Variants in MSRA observed in about 807,000 individuals in gnomAD.
MSRA encodes the protein mitochondrial peptide methionine sulfoxide reductase.
In MSRA, 54 loss-of-function variants were observed where a neutral mutation model predicts 31.3. The observed-to-expected ratio is 1.73, with a 90% CI of 1.39 to 2.17. The LOEUF (loss-of-function observed/expected upper bound fraction) is 2.17. MSRA is among the 30% of genes most tolerant of loss of function. The pLI, the probability that MSRA is intolerant of heterozygous loss-of-function variation, is 0.00. For synonymous variants in MSRA, 169 were observed against 116.5 expected (o/e 1.45, Z -2.90); for missense variants, 507 against 300.9 (o/e 1.69, Z -5.07).
intron 5 of MSRA, among the ~76,000 whole-genome samples, chr8:10,378,024 A>C (rs540268174): frequency 1.3e-5 from 2 of 152,338 alleles, no homozygotes; most frequent in Non-Finnish European, 2.9e-5. Context: ...GCTCAAGGCA[A>C]AAGGCCCCGG....
intron 1 of MSRA, among the ~76,000 whole-genome samples, chr8:10,089,817 C>T (rs1198527870): frequency 2.0e-5 from 3 of 152,292 alleles, no homozygotes; most frequent in African/African-American, 7.2e-5. Flanking sequence ...AACCCAGTCT[C>T]AGGGAACGAA....
intron 1 of MSRA, among the ~76,000 whole-genome samples, chr8:10,089,952 C>T (rs966439868): frequency 6.6e-6 from 1 of 152,168 alleles, no homozygotes; most frequent in African/African-American, 2.4e-5. Flanking sequence ...GAGGCACCAC[C>T]TCCCAACACC....
chr8:10,154,111 T>G (rs1245458500), intron 1 of MSRA, among the ~76,000 whole-genome samples: 1 of 152,186 alleles, frequency 6.6e-6, no homozygotes, highest in East Asian at 1.9e-4. Flanking sequence ...TAATATAGAT[T>G]GTATATTTGT....
chr8:10,408,610 G>C (rs1293422423), intron 5 of MSRA, among the ~76,000 whole-genome samples: 2 of 152,168 alleles, frequency 1.3e-5, no homozygotes, highest in African/African-American at 4.8e-5. Flanking sequence ...TTAAATGTAA[G>C]GGGCACAAGT....
chr8:10,306,337 C>T (rs1394991510), intron 4 of MSRA, among the ~76,000 whole-genome samples: 1 of 152,058 alleles, frequency 6.6e-6, no homozygotes, highest in African/African-American at 2.4e-5. Flanking sequence ...GGTATAGGTG[C>T]CATGCCAGTG....
At chr8:10,192,962 A>G (rs1435168296) in intron 1 of MSRA, among the ~76,000 whole-genome samples, 1 of 152,214 alleles carries the variant, frequency 6.6e-6, no homozygotes, top group Non-Finnish European at 1.5e-5. Context: ...ATATTATATT[A>G]TGTTCTCCCC....
intron 1 of MSRA, among the ~76,000 whole-genome samples, chr8:10,140,005 A>G (rs1440793261): frequency 6.6e-6 from 1 of 152,230 alleles, no homozygotes; most frequent in East Asian, 1.9e-4. Context: ...AAAAGTATAC[A>G]TTTATCTGAT....
At chr8:10,073,021 A>T (rs188128828) in intron 1 of MSRA, among the ~76,000 whole-genome samples, 1 of 152,304 alleles carries the variant, frequency 6.6e-6, no homozygotes, top group East Asian at 1.9e-4. Flanking sequence ...TTCTACATAG[A>T]TAACCCTATC....
At chr8:10,416,038 C>A (rs1808439256) in intron 5 of MSRA, among the ~76,000 whole-genome samples, 1 of 152,120 alleles carries the variant, frequency 6.6e-6, no homozygotes, top group Admixed American at 6.5e-5. Flanking sequence ...GAGTCCTCGT[C>A]ACTCCCTGGG....
At chr8:10,257,387 G>A (rs1798239307) in intron 3 of MSRA, among the ~76,000 whole-genome samples, 1 of 152,172 alleles carries the variant, frequency 6.6e-6, no homozygotes, top group African/African-American at 2.4e-5. Flanking sequence ...CTCTGTGTGT[G>A]TCCATAAACC....
intron 1 of MSRA, among the ~76,000 whole-genome samples, chr8:10,111,243 A>G (rs1393110026): frequency 6.6e-6 from 1 of 152,166 alleles, no homozygotes; most frequent in Non-Finnish European, 1.5e-5. Flanking sequence ...ATGATGTCAA[A>G]CAGGGTGCTG....
At chr8:10,101,459 G>A (rs868270005) in intron 1 of MSRA, among the ~76,000 whole-genome samples, 5 of 152,096 alleles carry the variant, frequency 3.3e-5, no homozygotes, top group Non-Finnish European at 5.9e-5. Context: ...TGCCATTACC[G>A]TCATCAAGCC....
At chr8:10,075,830 C>A (rs1174034339) in intron 1 of MSRA, among the ~76,000 whole-genome samples, 2 of 152,266 alleles carry the variant, frequency 1.3e-5, no homozygotes, top group African/African-American at 2.4e-5. Context: ...TATTTTTCTC[C>A]CATGGGTACC....
At chr8:10,375,015 C>T (rs1039638042) in intron 5 of MSRA, among the ~76,000 whole-genome samples, 2 of 152,192 alleles carry the variant, frequency 1.3e-5, no homozygotes, top group Non-Finnish European at 2.9e-5. Context: ...TGATTGTAAG[C>T]TTCCTGAGGC....
At chr8:10,296,125 G>A (rs1386007278) in intron 3 of MSRA, among the ~76,000 whole-genome samples, 1 of 152,126 alleles carries the variant, frequency 6.6e-6, no homozygotes, top group African/African-American at 2.4e-5. Context: ...GATGAAGGCT[G>A]AGCTGCAGTC....
At position 10,282,155 on chromosome 8, in the gene MSRA, C is replaced by G. The variant is rs957113306; in HGVS notation, c.332-19379C>G. On this transcript the variant is annotated intron_variant, in intron 3 of 5. Transcript: ENST00000317173. ...ATTTATAATTCGTACTAATCAAAAA[C>G]CTTTCATCCACAAAAGCCAACAAGT... Among the ~76,000 whole-genome samples, 24 of 152,298 alleles carry G rather than the reference C, an allele frequency of 1.6e-4. No individual in the cohort carries two copies. In the South Asian group the frequency reaches 2.9e-3, roughly 18 times the overall value.
intron 1 of MSRA, among the ~76,000 whole-genome samples, chr8:10,149,292 T>G (rs978890048): frequency 2.0e-5 from 3 of 152,114 alleles, no homozygotes; most frequent in African/African-American, 7.2e-5. Flanking sequence ...CAGCTAAGTT[T>G]TTGTATTTTT....
At chr8:10,304,215 G>A (rs1801003679) in intron 4 of MSRA, among the ~76,000 whole-genome samples, 1 of 152,230 alleles carries the variant, frequency 6.6e-6, no homozygotes, top group Admixed American at 6.5e-5. Context: ...GGGATTGCAG[G>A]CGTGAGCCAC....
chr8:10,082,764 G>A (rs144731546), intron 1 of MSRA, among the ~76,000 whole-genome samples: 2 of 152,140 alleles, frequency 1.3e-5, no homozygotes, highest in East Asian at 3.9e-4. Flanking sequence ...TCACACGGTT[G>A]TGTGGTTGTG....
Sources: gnomAD v4.1 joint callset for allele counts (sites outside exome capture counted in the v4.1 genomes callset) on GRCh38, gnomAD v4.1.1 for gene constraint, MANE v1.5 for transcripts, NCBI Gene and HGNC (gene_info 2026-07-23, HGNC 2026-07-21) for gene names.